Variants in BCAS3 observed in about 807,000 individuals in gnomAD.
BCAS3 encodes BCAS3 microtubule associated cell migration factor, also known as BCAS4/BCAS3 fusion.
In BCAS3, 53 loss-of-function variants were observed where a neutral mutation model predicts 116.1. The observed-to-expected ratio is 0.46, with a 90% confidence interval of 0.37 to 0.57. BCAS3 has a LOEUF of 0.57. Among genes scored for constraint, BCAS3 ranks in the 20% least tolerant of loss-of-function variants. The pLI is 0.00. For missense variants in BCAS3, 917 were observed against 1,165.4 expected (o/e 0.79, Z 3.10); for synonymous variants, 391 against 408.2 (o/e 0.96, Z 0.51).
At chr17:61,094,549 A>G (rs2073840347) in intron 22 of BCAS3, among the ~76,000 whole-genome samples, 1 of 152,216 alleles carries the variant, frequency 6.6e-6, no homozygotes, top group South Asian at 2.1e-4. Flanking sequence ...GAGTCCCAAT[A>G]TTTAAAGACA....
chr17:61,187,915 T>C (rs2079876092), intron 22 of BCAS3, among the ~76,000 whole-genome samples: 1 of 152,218 alleles, frequency 6.6e-6, no homozygotes, highest in Non-Finnish European at 1.5e-5. Context: ...GAATTTCTCC[T>C]TTCCAATCTG....
At chr17:60,725,689 C>T (rs947861152) in intron 5 of BCAS3, among the ~76,000 whole-genome samples, 7 of 152,148 alleles carry the variant, frequency 4.6e-5, no homozygotes, top group African/African-American at 1.7e-4. Flanking sequence ...ATATACAGGA[C>T]AGACTCCTCG....
intron 14 of BCAS3, among the ~76,000 whole-genome samples, chr17:60,952,107 A>G (rs1328290372): frequency 6.6e-6 from 1 of 151,878 alleles, no homozygotes; most frequent in Non-Finnish European, 1.5e-5. Context: ...GTTCTATTTG[A>G]ATTAATTCAT....
intron 4 of BCAS3, among the ~76,000 whole-genome samples, chr17:60,697,044 G>T (rs910996077): frequency 1.3e-5 from 2 of 151,202 alleles, no homozygotes; most frequent in Non-Finnish European, 2.9e-5. Context: ...TAAAAAATTA[G>T]CTGGGTATGG....
intron 6 of BCAS3, among the ~76,000 whole-genome samples, chr17:60,795,713 G>A (rs530065686): frequency 3.9e-5 from 6 of 152,102 alleles, no homozygotes; most frequent in Admixed American, 6.6e-5. Context: ...TTTGTTTGGC[G>A]GAGTCTCGCT....
intron 6 of BCAS3, chr17:60,748,955 T>C (rs572833927): frequency 9.5e-4 from 144 of 152,290 alleles, no homozygotes; most frequent in African/African-American, 3.3e-3. Flanking sequence ...ACTAGTCGAG[T>C]GCAGTAGTGA....
At position 61,008,218 on chromosome 17, in the gene BCAS3, C is replaced by G. The variant is rs534544488; in HGVS notation, c.1487-7533C>G. 2.6e-5 allele frequency among the ~76,000 whole-genome samples: 4 copies of G among 152,086 alleles called. No individual in the cohort carries two copies. In the South Asian group the frequency reaches 8.3e-4, roughly 32 times the overall value. ...CGACTTGAGTAGATTGCAGATTATACTGGAACATGCCTGAGAAAAGGTCAT... is the reference window on the plus strand; with the variant it reads ...CGACTTGAGTAGATTGCAGATTATAGTGGAACATGCCTGAGAAAAGGTCAT... On this transcript the variant is annotated intron_variant, in intron 15 of 23. Coordinates refer to ENST00000407086, the MANE Select transcript of BCAS3 (RefSeq NM_017679.5). The surrounding 1 kb of genome is among the most constrained non-coding windows in gnomAD (Gnocchi z 4.6).
At chr17:61,329,043 C>G (rs1241640965) in intron 22 of BCAS3, among the ~76,000 whole-genome samples, 1 of 151,778 alleles carries the variant, frequency 6.6e-6, no homozygotes, top group Non-Finnish European at 1.5e-5. Flanking sequence ...TACAGGTGCC[C>G]ACCACCACGC....
intron 22 of BCAS3, among the ~76,000 whole-genome samples, chr17:61,318,067 G>T (rs1238159084): frequency 6.6e-6 from 1 of 152,232 alleles, no homozygotes; most frequent in African/African-American, 2.4e-5. Flanking sequence ...GCAGGAAGCA[G>T]GGCCAGAGGC....
At chr17:61,312,430 C>T (rs551335510) in intron 22 of BCAS3, among the ~76,000 whole-genome samples, 4 of 152,304 alleles carry the variant, frequency 2.6e-5, no homozygotes, top group African/African-American at 9.6e-5. Context: ...CTGACCTTGG[C>T]CATGCTGTTG....
In BCAS3 at chr17:61,037,798, A is replaced by T; in HGVS notation, c.1763-91A>T. On this transcript the variant is annotated intron_variant, in intron 17 of 23. Coordinates refer to ENST00000407086, the MANE Select transcript of BCAS3 (RefSeq NM_017679.5). This position sits in a 1 kb window ranked among gnomAD's most constrained non-coding sequence, Gnocchi z 4.7. ...TTCATTTTCTCTGAGCAGCCTCAGG[A>T]GCAGACTAATAAGATCATTAACTTG... 8.4e-7 allele frequency: 1 copy of T among 1,194,090 alleles called. No homozygotes were observed. The highest frequency in any genetic ancestry group is 1.2e-6 in the Non-Finnish European group (1 of 860,570). The allele number at this position is 1,194,090 out of a possible 1,614,324, so 74.0% of individuals were successfully genotyped here.
At chr17:61,045,952 TA>T (rs1295168750) in intron 19 of BCAS3, among the ~76,000 whole-genome samples, 200 of 13,208 alleles carry the variant, frequency 0.015, 8 homozygotes, top group South Asian at 0.037. Context: ...ATTATATATA[TA>T]AATATATATA....
At position 61,233,891 on chromosome 17, in the gene BCAS3, T is replaced by C. The variant is rs1020689298; in HGVS notation, c.2426-134436T>C. On this transcript the variant is annotated intron_variant, in intron 22 of 23. Coordinates refer to ENST00000407086, the MANE Select transcript of BCAS3 (RefSeq NM_017679.5). The surrounding 1 kb of genome is among the most constrained non-coding windows in gnomAD (Gnocchi z 4.3). The stretch of plus-strand genomic sequence containing the variant: ...GCCCCTGAGGCTCTTTCCTGTCTAG[T>C]TGAGCTTTCTTTAAGAGGTCTTCCA... 3.3e-5 allele frequency among the ~76,000 whole-genome samples: 5 copies of C among 152,124 alleles called. No homozygotes were observed. The highest frequency in any genetic ancestry group is 7.4e-5 in the Non-Finnish European group (5 of 68,024).
intron 6 of BCAS3, among the ~76,000 whole-genome samples, chr17:60,792,927 A>AT (rs1231857881): frequency 6.6e-6 from 1 of 151,110 alleles, no homozygotes; most frequent in Non-Finnish European, 1.5e-5. Flanking sequence ...TTTTATTTTT[A>AT]TTTTTTCCCC....
At position 60,990,030 on chromosome 17, in the gene BCAS3, T is replaced by C. The variant is rs1568052593; in HGVS notation, c.1281T>C (p.Gly427=). The stretch of plus-strand genomic sequence containing the variant: ...GGGTTGTGGTCAGTACTCTCCGGGG[T>C]ACTTCCCACGTTTTCCCCATCAACC... ...CRWVVVSTLR[G]TSHVFPINPY... Residue 427 remains glycine, a synonymous_variant, in exon 15 of 24, where the codon GGT becomes GGC. Transcript: ENST00000407086. This position sits in a 1 kb window ranked among gnomAD's most constrained non-coding sequence, Gnocchi z 5.1. 1 of 1,614,128 alleles carries C rather than the reference T, an allele frequency of 6.2e-7. No homozygotes were observed. Among genetic ancestry groups the C allele is most frequent in the Admixed American group, 1.7e-5 (1 of 60,020 alleles).
chr17:60,903,827 TAGAAAAC>T lies in BCAS3; in HGVS notation c.822+1126_822+1132del, dbSNP rs1286073307. Among the ~76,000 whole-genome samples, 3 of 152,344 alleles carry T rather than the reference TAGAAAAC, an allele frequency of 2.0e-5. No individual in the cohort carries two copies. In the East Asian group the frequency reaches 5.8e-4, roughly 29 times the overall value. ...CAATGAAGAGCTGAGAGAGAGTATT[TAGAAAAC>T]ATCTTCAGTATTAGTCTACTCATTT... On this transcript the variant is annotated intron_variant, in intron 11 of 23. Coordinates refer to ENST00000407086, the MANE Select transcript of BCAS3 (RefSeq NM_017679.5).
At chr17:60,694,306 T>C (rs2035287202) in intron 4 of BCAS3, among the ~76,000 whole-genome samples, 1 of 151,746 alleles carries the variant, frequency 6.6e-6, no homozygotes, top group African/African-American at 2.4e-5. Flanking sequence ...ATCAGGATCA[T>C]CCTGACCAAC....
rs148362645 is a variant in BCAS3, at chr17:60,714,872, C to T, written c.321+5547C>T. Among the ~76,000 whole-genome samples, 354 of 152,250 alleles carry T rather than the reference C, an allele frequency of 2.3e-3. 5 individuals are homozygous for T. Among genetic ancestry groups the T allele is most frequent in the South Asian group, 0.018 (88 of 4,818 alleles). ...ACATGACACCAGCTTTCCTAGCTTT[C>T]CTGAGCTGTCAGAGCCCTTCTTTCA... On this transcript the variant is annotated intron_variant, in intron 5 of 23. Transcript: ENST00000407086.
chr17:61,092,452 C>T (rs142057737), intron 22 of BCAS3, among the ~76,000 whole-genome samples: 1 of 152,236 alleles, frequency 6.6e-6, no homozygotes, highest in African/African-American at 2.4e-5. Flanking sequence ...ACTGCCAACA[C>T]GTTTTCCAAA....
Sources: gnomAD v4.1 joint callset for allele counts (sites outside exome capture counted in the v4.1 genomes callset) on GRCh38, gnomAD v4.1.1 for gene constraint, Gnocchi (gnomAD v3.1) non-coding constraint, MANE v1.5 for transcripts, NCBI Gene and HGNC (gene_info 2026-07-23, HGNC 2026-07-21) for gene names.